Variants in RAB3C observed in about 807,000 individuals in gnomAD.
The protein encoded by RAB3C is RAB3C, member RAS oncogene family.
In RAB3C, 17 loss-of-function variants were observed where a neutral mutation model predicts 26.4. The ratio of observed to expected loss-of-function variants is 0.64; its 90% CI spans 0.44 to 0.97. The LOEUF (loss-of-function observed/expected upper bound fraction) is 0.97, where lower values mean the gene tolerates loss of function less well. Among genes scored for constraint, RAB3C ranks in the 50% least tolerant of loss-of-function variants. The probability of loss-of-function intolerance (pLI) is 0.00; values close to 1 mark genes in which losing one functional copy is unlikely to be tolerated. For synonymous variants in RAB3C, 91 were observed against 95.9 expected, an observed-to-expected ratio of 0.95 and a Z score of 0.30; for missense variants, 242 against 281.9, an observed-to-expected ratio of 0.86 and a Z score of 1.01.
chr5:58,821,168 C>T (rs1743332558), intron 3 of RAB3C, among the ~76,000 whole-genome samples: 1 of 152,188 alleles, frequency 6.6e-6, no homozygotes, highest in African/African-American at 2.4e-5. Context: ...ACCCTGGCCC[C>T]AGGTCCTTCC....
intron 3 of RAB3C, among the ~76,000 whole-genome samples, chr5:58,803,584 C>A (rs962276330): frequency 2.0e-5 from 3 of 152,162 alleles, no homozygotes; most frequent in Admixed American, 6.5e-5. Context: ...GCTTGTTCTG[C>A]AAATCATCCG....
Position 58,627,472 on chromosome 5 carries a change from A to T in RAB3C, c.252+9602A>T, listed in dbSNP as rs1202305105. On this transcript the variant is annotated intron_variant, in intron 2 of 4. Coordinates refer to ENST00000282878, the MANE Select transcript of RAB3C (RefSeq NM_138453.4). ...GGGCGACAGAGCGAGACTCCGTCTT[A>T]AAAAAAAAAAAAAAAAAAAAAAAAA... 1.0e-3 allele frequency among the ~76,000 whole-genome samples: 4 copies of T among 3,942 alleles called. No individual in the cohort carries two copies. In the Admixed American group the frequency reaches 0.014, roughly 14 times the overall value. 2.6% of individuals were successfully genotyped at this position (3,942 alleles called of 152,430 possible). A position where few individuals can be genotyped will look rare whatever the true frequency, so the allele number is the denominator to read the frequency against.
chr5:58,595,064 G>A (rs1579804930), intron 1 of RAB3C, among the ~76,000 whole-genome samples: 1 of 152,058 alleles, frequency 6.6e-6, no homozygotes, highest in Admixed American at 6.6e-5. Context: ...CTAATGGAGC[G>A]AGGGGGAAGT....
At chr5:58,591,200 G>A (rs1746121492) in intron 1 of RAB3C, among the ~76,000 whole-genome samples, 1 of 152,116 alleles carries the variant, frequency 6.6e-6, no homozygotes, top group Admixed American at 6.5e-5. Flanking sequence ...ATGTGTGCTT[G>A]TGTGTGCTGT....
At chr5:58,735,138 C>T (rs1384186269) in intron 3 of RAB3C, among the ~76,000 whole-genome samples, 1 of 152,182 alleles carries the variant, frequency 6.6e-6, no homozygotes, top group East Asian at 1.9e-4. Flanking sequence ...GACAGCACTT[C>T]AGCACTCTAC....
At chr5:58,701,737 C>T (rs1748846436) in intron 2 of RAB3C, among the ~76,000 whole-genome samples, 1 of 152,178 alleles carries the variant, frequency 6.6e-6, no homozygotes, top group Non-Finnish European at 1.5e-5. Flanking sequence ...TCATAGCCAA[C>T]AAGATAGCAC....
At chr5:58,817,215 G>C (rs185664648) in intron 3 of RAB3C, 1 of 152,316 alleles carries the variant, frequency 6.6e-6, no homozygotes, top group East Asian at 1.9e-4. Flanking sequence ...TAATAGTGGA[G>C]ATAGCGAGAT....
intron 4 of RAB3C, among the ~76,000 whole-genome samples, chr5:58,840,502 G>A (rs960717183): frequency 1.3e-5 from 2 of 152,112 alleles, no homozygotes; most frequent in African/African-American, 4.8e-5. Context: ...CTTGAGAATT[G>A]CTGTTTTTCA....
intron 2 of RAB3C, among the ~76,000 whole-genome samples, chr5:58,721,074 A>T (rs1412755344): frequency 6.6e-6 from 1 of 151,748 alleles, no homozygotes; most frequent in East Asian, 1.9e-4. Context: ...CAAAATTCAA[A>T]CCAAAAAAGT....
chr5:58,666,597 G>A (rs1748006951), intron 2 of RAB3C, among the ~76,000 whole-genome samples: 1 of 152,172 alleles, frequency 6.6e-6, no homozygotes, highest in South Asian at 2.1e-4. Flanking sequence ...AACAATGGTG[G>A]TTCACACACC....
In RAB3C at chr5:58,693,336, G is replaced by GTATATATA. The variant is rs61291213; in HGVS notation, c.253-32647_253-32640dup. ...AAATTAAGAAATTATATATATATGT[G>GTATATATA]TATATATATATATATATATATATAT... On this transcript the variant is annotated intron_variant, in intron 2 of 4. Transcript: ENST00000282878. 5.6e-4 allele frequency among the ~76,000 whole-genome samples: 63 copies of GTATATATA among 111,738 alleles called. 3 individuals are homozygous for GTATATATA. Among genetic ancestry groups the GTATATATA allele is most frequent in the African/African-American group, 2.1e-3 (55 of 26,816 alleles). The allele number at this position is 111,738 out of a possible 152,430, so 73.3% of individuals were successfully genotyped here.
intron 3 of RAB3C, among the ~76,000 whole-genome samples, chr5:58,799,329 T>G (rs1298357734): frequency 6.6e-6 from 1 of 152,064 alleles, no homozygotes; most frequent in African/African-American, 2.4e-5. Flanking sequence ...GTATGGCAAC[T>G]TCTACTTGTC....
In RAB3C at chr5:58,822,613, A is replaced by T. The variant is rs1743368551; in HGVS notation, c.372-2425A>T. On this transcript the variant is annotated intron_variant, in intron 3 of 4. Coordinates refer to ENST00000282878, the MANE Select transcript of RAB3C (RefSeq NM_138453.4). ...TTACTATACTCAGAAACACTCTGTG[A>T]TACAGGATAAAAATAAATACAACAC... 11 of 307,146 alleles carry T rather than the reference A, an allele frequency of 3.6e-5. No individual in the cohort carries two copies. In the South Asian group the frequency reaches 4.0e-4, roughly 11 times the overall value. 19.0% of individuals were successfully genotyped at this position (307,146 alleles called of 1,614,324 possible).
intron 2 of RAB3C, among the ~76,000 whole-genome samples, chr5:58,710,415 A>G (rs1197688136): frequency 1.3e-5 from 2 of 151,832 alleles, no homozygotes; most frequent in Admixed American, 6.6e-5. Context: ...CCTGGCCAAC[A>G]TTGCGAAACC....
intron 1 of RAB3C, among the ~76,000 whole-genome samples, chr5:58,606,030 C>A (rs997014936): frequency 6.6e-6 from 1 of 152,190 alleles, no homozygotes; most frequent in Non-Finnish European, 1.5e-5. Context: ...GTACCTGGTT[C>A]ATCTCATTAG....
chr5:58,769,621 A>C (rs1741985367), intron 3 of RAB3C, among the ~76,000 whole-genome samples: 1 of 152,144 alleles, frequency 6.6e-6, no homozygotes, highest in Admixed American at 6.5e-5. Flanking sequence ...TTAGTGTATA[A>C]TTTTATTAGA....
intron 2 of RAB3C, among the ~76,000 whole-genome samples, chr5:58,725,388 A>G (rs1384358209): frequency 6.6e-6 from 1 of 151,862 alleles, no homozygotes; most frequent in Non-Finnish European, 1.5e-5. Flanking sequence ...GAGTTTGACT[A>G]TTATAAGTCT....
At chr5:58,774,160 A>G (rs556591929) in intron 3 of RAB3C, among the ~76,000 whole-genome samples, 2 of 152,300 alleles carry the variant, frequency 1.3e-5, no homozygotes, top group African/African-American at 4.8e-5. Flanking sequence ...AAATGGATCA[A>G]TGAATGAATA....
chr5:58,590,687 C>G (rs1037609816), intron 1 of RAB3C, among the ~76,000 whole-genome samples: 1 of 151,938 alleles, frequency 6.6e-6, no homozygotes, highest in African/African-American at 2.4e-5. Flanking sequence ...GGAACACAGG[C>G]GCCCACCACC....
Sources: allele counts gnomAD v4.1 joint callset (sites outside exome capture counted in the v4.1 genomes callset), GRCh38; gene constraint gnomAD v4.1.1; transcripts MANE v1.5; gene names NCBI Gene and HGNC (gene_info 2026-07-23, HGNC 2026-07-21).